The following KATNAL2 variants were observed in gnomAD, a reference collection of about 807,000 sequenced individuals.
KATNAL2 encodes the protein katanin p60 ATPase-containing subunit A-like 2.
Under a neutral mutation model 76.3 loss-of-function variants are expected in KATNAL2, and 52 were observed. That is an observed-to-expected ratio of 0.68 (90% confidence interval 0.55 to 0.86). KATNAL2 has a LOEUF of 0.86. Among genes scored for constraint, KATNAL2 ranks in the 40% least tolerant of loss-of-function variants. The pLI is 0.00. For missense variants in KATNAL2, 660 were observed against 668.9 expected, an observed-to-expected ratio of 0.99 and a Z score of 0.15; for synonymous variants, 243 against 244.2, an observed-to-expected ratio of 1.00 and a Z score of 0.05.
chr18:47,090,496 C>T (rs2062952829), intron 15 of KATNAL2, among the ~76,000 whole-genome samples: 1 of 152,112 alleles, frequency 6.6e-6, no homozygotes, highest in African/African-American at 2.4e-5. Context: ...TAATCTTTGG[C>T]CTCTGGAAAC....
intron 1 of KATNAL2, among the ~76,000 whole-genome samples, chr18:46,926,145 C>T (rs973754438): frequency 6.6e-6 from 1 of 152,064 alleles, no homozygotes; most frequent in Non-Finnish European, 1.5e-5. Context: ...TGTGTTTGCT[C>T]TTGCTTTTCT....
intron 1 of KATNAL2, among the ~76,000 whole-genome samples, chr18:46,937,954 T>C (rs2059140806): frequency 6.6e-6 from 1 of 151,854 alleles, no homozygotes; most frequent in African/African-American, 2.4e-5. Flanking sequence ...AAATTAGCTG[T>C]GCATGGTGGT....
intron 3 of KATNAL2, among the ~76,000 whole-genome samples, chr18:46,962,190 G>C (rs1170597860): frequency 1.4e-5 from 2 of 144,410 alleles, no homozygotes; most frequent in African/African-American, 2.8e-5. Context: ...TTGTGGAGAC[G>C]GGGTTTCTCC....
At position 46,934,974 on chromosome 18, in the gene KATNAL2, G is replaced by A. The variant is rs577968644; in HGVS notation, c.-509-11083G>A. Among the ~76,000 whole-genome samples, 49 of 152,124 alleles carry A rather than the reference G, an allele frequency of 3.2e-4. 3 individuals are homozygous for A. In the South Asian group the frequency reaches 1.0e-2, roughly 31 times the overall value. The stretch of plus-strand genomic sequence containing the variant: ...GATAGTTGTAGATATGTGGCTAAAT[G>A]TCAAAATATCTTATAAATAATTTGC... On this transcript the variant is annotated intron_variant, in intron 1 of 17. Coordinates refer to ENST00000683218, the MANE Select transcript of KATNAL2 (RefSeq NM_001387690.1).
intron 9 of KATNAL2, 94 bp from the exon 10 acceptor site, chr18:47,063,190 A>T: frequency 7.0e-7 from 1 of 1,437,644 alleles, no homozygotes; most frequent in East Asian, 2.3e-5. Context: ...GCCACCTGCC[A>T]TCGTTTGTTT....
At chr18:47,031,347 T>C (rs7241208) in intron 3 of KATNAL2, among the ~76,000 whole-genome samples, 1 of 151,616 alleles carries the variant, frequency 6.6e-6, no homozygotes, top group African/African-American at 2.4e-5. Flanking sequence ...GTTTTCGGCT[T>C]TTGTTTCTGC....
intron 1 of KATNAL2, among the ~76,000 whole-genome samples, chr18:46,939,066 G>A (rs1292726681): frequency 6.6e-6 from 1 of 152,166 alleles, no homozygotes; most frequent in East Asian, 1.9e-4. Context: ...ATGAGGCTAG[G>A]CATGGTGGTT....
At chr18:47,033,100 G>A (rs754313615) in intron 3 of KATNAL2, 12 of 1,613,980 alleles carry the variant, frequency 7.4e-6, no homozygotes, top group African/African-American at 4.0e-5. Flanking sequence ...GGCCGCGGGC[G>A]CCGCGTGCTC....
At chr18:46,948,290 T>G (rs2059441050) in intron 3 of KATNAL2, among the ~76,000 whole-genome samples, 1 of 151,506 alleles carries the variant, frequency 6.6e-6, no homozygotes, top group Non-Finnish European at 1.5e-5. Flanking sequence ...TTTTGTATTT[T>G]TAGTAGAGAC....
chr18:47,053,855 T>C (rs908902070), intron 5 of KATNAL2, among the ~76,000 whole-genome samples: 2 of 152,198 alleles, frequency 1.3e-5, no homozygotes, highest in Non-Finnish European at 2.9e-5. Flanking sequence ...ATGTGGGCCT[T>C]GAAGAGACAG....
intron 5 of KATNAL2, 122 bp from the exon 6 acceptor site, chr18:47,054,274 A>T (rs2061412382): frequency 1.2e-6 from 1 of 826,470 alleles, no homozygotes; most frequent in Non-Finnish European, 2.0e-6. Flanking sequence ...AAGTCTCTAG[A>T]TTCCAATTGG....
intron 3 of KATNAL2, chr18:47,034,003 C>A (rs776459173): frequency 2.5e-6 from 4 of 1,613,982 alleles, no homozygotes; most frequent in Admixed American, 1.7e-5. Context: ...CCAGGACTCA[C>A]GAGTGCCCTT....
chr18:47,064,875 C>A (rs2061741432), intron 10 of KATNAL2, among the ~76,000 whole-genome samples: 1 of 152,080 alleles, frequency 6.6e-6, no homozygotes, highest in African/African-American at 2.4e-5. Flanking sequence ...TGGATTGATA[C>A]AAGGAGAAAC....
At chr18:47,076,814 T>TAC (rs1449244614) in intron 14 of KATNAL2, among the ~76,000 whole-genome samples, 23 of 133,754 alleles carry the variant, frequency 1.7e-4, no homozygotes, top group Admixed American at 9.7e-4. Flanking sequence ...TATATATATA[T>TAC]ACACATATAT....
At chr18:46,931,050 A>G (rs1464872580) in intron 1 of KATNAL2, among the ~76,000 whole-genome samples, 2 of 151,552 alleles carry the variant, frequency 1.3e-5, no homozygotes, top group South Asian at 4.2e-4. Flanking sequence ...CAGTGAGCTG[A>G]GATCATGCCA....
At chr18:47,048,727 C>G (rs1240987855) in intron 4 of KATNAL2, among the ~76,000 whole-genome samples, 1 of 151,412 alleles carries the variant, frequency 6.6e-6, no homozygotes, top group Non-Finnish European at 1.5e-5. Context: ...CCAAGGGTAG[C>G]ATATGAGAAA....
At chr18:47,077,292 T>C in intron 14 of KATNAL2, 59 bp from the exon 15 acceptor site, 1 of 1,285,348 alleles carries the variant, frequency 7.8e-7, no homozygotes, top group Non-Finnish European at 1.1e-6. Flanking sequence ...TGAATGCTGC[T>C]CTTGTCATGA....
intron 3 of KATNAL2, chr18:47,034,317 C>T: frequency 6.2e-7 from 1 of 1,612,984 alleles, no homozygotes. Context: ...GACTGGGCCT[C>T]TTCTTGTTCG....
chr18:46,933,257 A>G (rs2058987264), intron 1 of KATNAL2, among the ~76,000 whole-genome samples: 1 of 152,238 alleles, frequency 6.6e-6, no homozygotes, highest in African/African-American at 2.4e-5. Context: ...AATCTAGATG[A>G]CGATATTCAA....
Sources: allele counts gnomAD v4.1 joint callset (sites outside exome capture counted in the v4.1 genomes callset), GRCh38; gene constraint gnomAD v4.1.1; transcripts MANE v1.5; gene names NCBI Gene and HGNC (gene_info 2026-07-23, HGNC 2026-07-21).